SUSD4: variants seen among roughly 807,000 people sequenced by gnomAD.
The protein encoded by SUSD4 is sushi domain-containing protein 4.
Under a neutral mutation model 50.5 loss-of-function variants are expected in SUSD4, and 41 were observed. The observed-to-expected ratio is 0.81, with a 90% CI of 0.63 to 1.05. SUSD4 has a LOEUF of 1.05. Among genes scored for constraint, SUSD4 ranks in the 50% least tolerant of loss-of-function variants. The probability of loss-of-function intolerance (pLI) is 0.00; values close to 1 mark genes in which losing one functional copy is unlikely to be tolerated. For missense variants in SUSD4, 580 were observed against 634.7 expected, an observed-to-expected ratio of 0.91 and a Z score of 0.93; for synonymous variants, 257 against 257.3, an observed-to-expected ratio of 1.00 and a Z score of 0.01.
At chr1:223,337,448 A>G (rs1481085499) in intron 2 of SUSD4, among the ~76,000 whole-genome samples, 1 of 152,228 alleles carries the variant, frequency 6.6e-6, no homozygotes, top group African/African-American at 2.4e-5. Flanking sequence ...GTCTAAATTT[A>G]GCTTGAGGTG....
intron 2 of SUSD4, among the ~76,000 whole-genome samples, chr1:223,362,933 A>ACCCCCCCCCCCCCCCCCCCCCCCCCCC (rs1486193519): frequency 3.0e-5 from 2 of 66,506 alleles, no homozygotes; most frequent in African/African-American, 5.9e-5. Flanking sequence ...CACTGCCCCC[A>ACCCCCCCCCCCCCCCCCCCCCCCCCCC]CCCCCCACCC....
At chr1:223,348,367 AC>A (rs1668159853) in intron 2 of SUSD4, among the ~76,000 whole-genome samples, 1 of 152,128 alleles carries the variant, frequency 6.6e-6, no homozygotes, top group African/African-American at 2.4e-5. Context: ...TTTGAATCTT[AC>A]CTATCATTCA....
intron 5 of SUSD4, among the ~76,000 whole-genome samples, chr1:223,246,471 C>G (rs1323877441): frequency 6.6e-6 from 1 of 151,680 alleles, no homozygotes; most frequent in South Asian, 2.1e-4. Flanking sequence ...GAGAGCCCCG[C>G]CCCCACCCCA....
At chr1:223,314,078 A>G (rs193137850) in intron 2 of SUSD4, among the ~76,000 whole-genome samples, 1 of 152,328 alleles carries the variant, frequency 6.6e-6, no homozygotes, top group African/African-American at 2.4e-5. Flanking sequence ...CTTTCTTAAT[A>G]AACTTGCTAT....
intron 2 of SUSD4, among the ~76,000 whole-genome samples, chr1:223,337,546 C>A (rs1175815286): frequency 6.6e-6 from 1 of 152,198 alleles, no homozygotes; most frequent in Non-Finnish European, 1.5e-5. Context: ...GTGTTAATAG[C>A]AGAAGCTCTA....
At chr1:223,282,522 C>T (rs1663818275) in intron 3 of SUSD4, among the ~76,000 whole-genome samples, 1 of 152,128 alleles carries the variant, frequency 6.6e-6, no homozygotes, top group Admixed American at 6.5e-5. Flanking sequence ...CCTAGGAATC[C>T]AACTTACAAG....
chr1:223,344,417 A>G (rs1667920204), intron 2 of SUSD4, among the ~76,000 whole-genome samples: 1 of 152,104 alleles, frequency 6.6e-6, no homozygotes, highest in South Asian at 2.1e-4. Context: ...CGCAGTGAAC[A>G]TGGTAAGGCT....
chr1:223,314,709 C>CGAGCT (rs1270103985), intron 2 of SUSD4, among the ~76,000 whole-genome samples: 1 of 152,038 alleles, frequency 6.6e-6, no homozygotes, highest in Non-Finnish European at 1.5e-5. Context: ...TTTCCTTGCA[C>CGAGCT]GAGCTCTCTT....
Position 223,256,037 on chromosome 1 carries a change from C to T in SUSD4, c.724+8593G>A, listed in dbSNP as rs563147707. 6.6e-5 allele frequency among the ~76,000 whole-genome samples: 10 copies of T among 152,292 alleles called. No individual in the cohort carries two copies. In the East Asian group the frequency reaches 1.7e-3, roughly 26 times the overall value. ...CACATTGTACATCCCTGGTTGGCAC[C>T]AGCGCCTTGCCTGGGAAGGAGGGAG... On this transcript the variant is annotated intron_variant, in intron 5 of 8. Coordinates refer to ENST00000366878, the MANE Select transcript of SUSD4 (RefSeq NM_017982.4).
chr1:223,324,451 T>G (rs1011044166), intron 2 of SUSD4, among the ~76,000 whole-genome samples: 1 of 151,750 alleles, frequency 6.6e-6, no homozygotes, highest in Non-Finnish European at 1.5e-5. Context: ...AATACATATT[T>G]ACAAAGATTC....
At position 223,229,060 on chromosome 1, in the gene SUSD4, A is replaced by G; in HGVS notation, c.916+137T>C. 1 of 900,064 alleles carries G rather than the reference A, an allele frequency of 1.1e-6. No homozygotes were observed. The highest frequency in any genetic ancestry group is 1.7e-6 in the Non-Finnish European group (1 of 598,476). 55.8% of individuals were successfully genotyped at this position (900,064 alleles called of 1,614,324 possible). ...CCCAACAGCAGCCCCATCGACCCGC[A>G]ATGATATGTTTCGATATCCTGTTCC... On this transcript the variant is annotated intron_variant, in intron 6 of 8. Coordinates refer to ENST00000366878, the MANE Select transcript of SUSD4 (RefSeq NM_017982.4). This position sits in a 1 kb window ranked among gnomAD's most constrained non-coding sequence, Gnocchi z 4.7.
chr1:223,296,434 A>T (rs977760821), intron 2 of SUSD4, among the ~76,000 whole-genome samples: 6 of 152,126 alleles, frequency 3.9e-5, no homozygotes, highest in Admixed American at 3.9e-4. Context: ...ATTCTTGGGG[A>T]TGCCAGGTAT....
chr1:223,224,676 G>A (rs1489920156), intron 7 of SUSD4, among the ~76,000 whole-genome samples: 1 of 151,952 alleles, frequency 6.6e-6, no homozygotes, highest in Non-Finnish European at 1.5e-5. Flanking sequence ...TCCCTCACGT[G>A]GGCGCGCACA....
At chr1:223,298,790 A>G (rs1352071890) in intron 2 of SUSD4, among the ~76,000 whole-genome samples, 1 of 152,236 alleles carries the variant, frequency 6.6e-6, no homozygotes, top group East Asian at 1.9e-4. Flanking sequence ...CAATTTCCTC[A>G]TGAATTTAAT....
In SUSD4 at chr1:223,229,542, T is replaced by C. The variant is rs1292053347; in HGVS notation, c.725-154A>G. 1 of 691,990 alleles carries C rather than the reference T, an allele frequency of 1.4e-6. No individual in the cohort carries two copies. The highest frequency in any genetic ancestry group is 1.8e-5 in the African/African-American group (1 of 56,238). 42.9% of individuals were successfully genotyped at this position (691,990 alleles called of 1,614,324 possible). A position where few individuals can be genotyped will look rare whatever the true frequency, so the allele number is the denominator to read the frequency against. ...AGTTGCATTAGAGATGGTCTCTTTT[T>C]TAGTATTTCATGGAAGGCGGAATGG... On this transcript the variant is annotated intron_variant, in intron 5 of 8. Transcript: ENST00000366878. The surrounding 1 kb of genome is among the most constrained non-coding windows in gnomAD (Gnocchi z 4.7).
chr1:223,246,532 C>T (rs1660941675), intron 5 of SUSD4, among the ~76,000 whole-genome samples: 1 of 150,654 alleles, frequency 6.6e-6, no homozygotes, highest in Non-Finnish European at 1.5e-5. Flanking sequence ...ACACAGGGTA[C>T]AAGGTTGGTA....
intron 2 of SUSD4, among the ~76,000 whole-genome samples, chr1:223,351,910 A>G (rs946724783): frequency 6.6e-6 from 1 of 152,178 alleles, no homozygotes; most frequent in East Asian, 1.9e-4. Flanking sequence ...CTTAGGCTAC[A>G]TCACCGAGAA....
At chr1:223,306,961 TTG>T (rs1665570846) in intron 2 of SUSD4, among the ~76,000 whole-genome samples, 1 of 150,174 alleles carries the variant, frequency 6.7e-6, no homozygotes. Flanking sequence ...GTTTTTTTTT[TTG>T]GGGGGGGGTG....
chr1:223,294,523 G>A (rs915510071), intron 2 of SUSD4, among the ~76,000 whole-genome samples: 2 of 152,174 alleles, frequency 1.3e-5, no homozygotes, highest in East Asian at 1.9e-4. Context: ...CACTGTTGCT[G>A]TGCTGAAAGC....
Sources: gnomAD v4.1 joint callset for allele counts (sites outside exome capture counted in the v4.1 genomes callset) on GRCh38, gnomAD v4.1.1 for gene constraint, Gnocchi (gnomAD v3.1) non-coding constraint, MANE v1.5 for transcripts, NCBI Gene and HGNC (gene_info 2026-07-23, HGNC 2026-07-21) for gene names.